TMEM220: variants seen among roughly 807,000 people sequenced by gnomAD.
TMEM220 encodes the protein transmembrane protein 220.
In TMEM220, 21 loss-of-function variants were observed where a neutral mutation model predicts 21.7. That is an observed-to-expected ratio of 0.97 (90% CI 0.69 to 1.39). TMEM220 has a LOEUF of 1.39. Ranked by LOEUF, TMEM220 falls within the 40% of genes most tolerant of loss-of-function variation. The probability of loss-of-function intolerance (pLI) is 0.00; values close to 1 mark genes in which losing one functional copy is unlikely to be tolerated. For synonymous variants in TMEM220, 80 were observed against 73.6 expected (o/e 1.09, Z -0.45); for missense variants, 191 against 201.9 (o/e 0.95, Z 0.33).
At position 10,715,491 on chromosome 17, in the gene TMEM220, G is replaced by C. The variant is rs553428298; in HGVS notation, c.445C>G (p.Arg149Gly). The C allele has an allele frequency of 3.7e-6, 6 of 1,600,038 alleles. No homozygotes were observed. In the South Asian group the frequency reaches 6.9e-5, roughly 18 times the overall value. Residue 149 changes from arginine to glycine, a missense_variant, in exon 6 of 6, where the codon CGG (arginine) becomes GGG (glycine). Physicochemically the swap from Arg to Gly is moderately radical, Grantham distance 125. Transcript: ENST00000341871. ...TTGCAGTGAGTTGGCCAAGAGGACC[G>C]CATTTCCTTGTTAATATATATGTAG... ...WVYIYINKEM[R>G]SSWPTHCKTV...
At position 10,729,859 on chromosome 17, in the gene TMEM220, A is replaced by G; in HGVS notation, c.-8T>C. 2 of 1,335,322 alleles carry G rather than the reference A, an allele frequency of 1.5e-6. No homozygotes were observed. Among genetic ancestry groups the G allele is most frequent in the East Asian group, 3.1e-5 (1 of 32,478 alleles). The allele number at this position is 1,335,322 out of a possible 1,614,324, so 82.7% of individuals were successfully genotyped here. On this transcript the variant is annotated 5_prime_UTR_variant, in exon 1 of 6. Coordinates refer to ENST00000341871, the MANE Select transcript of TMEM220 (RefSeq NM_001004313.3). Reference sequence around the variant, plus strand: ...CCACAGCGCTGGCGCCATGGCTCGGAGAACACGGCGCGGGGCGGTGAGTCC... The same window carrying G: ...CCACAGCGCTGGCGCCATGGCTCGGGGAACACGGCGCGGGGCGGTGAGTCC...
At chr17:10,717,649 T>G (rs1023782483) in intron 5 of TMEM220, among the ~76,000 whole-genome samples, 30 of 152,336 alleles carry the variant, frequency 2.0e-4, no homozygotes, top group Non-Finnish European at 7.3e-5. Context: ...TGTCAAGTTT[T>G]GGTTACCTGT....
At chr17:10,711,336 C>T, downstream of TMEM220, 1 of 588,662 alleles carries the variant, frequency 1.7e-6, no homozygotes, top group South Asian at 2.1e-5. Context: ...AAGTTAGAAA[C>T]AAACCAGGGA....
downstream of TMEM220, among the ~76,000 whole-genome samples, chr17:10,712,678 T>C (rs1252829972): frequency 6.6e-6 from 1 of 152,084 alleles, no homozygotes; most frequent in Non-Finnish European, 1.5e-5. Context: ...GAAGAGTATA[T>C]CAAGTAAAAT....
intron 5 of TMEM220, among the ~76,000 whole-genome samples, chr17:10,720,517 A>G (rs886407959): frequency 6.6e-6 from 1 of 152,342 alleles, no homozygotes; most frequent in South Asian, 2.1e-4. Context: ...AGGATAAACT[A>G]TAAAACTGAA....
chr17:10,717,841 C>A (rs1052064831), intron 5 of TMEM220, among the ~76,000 whole-genome samples: 1 of 150,322 alleles, frequency 6.7e-6, no homozygotes, highest in African/African-American at 2.5e-5. Context: ...TTCTTTGAGA[C>A]GGAGTTTCTT....
intron 2 of TMEM220, among the ~76,000 whole-genome samples, chr17:10,726,609 T>C (rs769762655): frequency 7.9e-5 from 12 of 152,214 alleles, no homozygotes; most frequent in Admixed American, 3.9e-4. Context: ...CCCACTTGCA[T>C]AAAAGAAAAT....
At chr17:10,712,112 A>G (rs953230513), downstream of TMEM220, among the ~76,000 whole-genome samples, 4 of 152,184 alleles carry the variant, frequency 2.6e-5, no homozygotes, top group African/African-American at 9.7e-5. Context: ...GCTGAAACCA[A>G]GGTGTTGGCA....
At chr17:10,716,607 C>A in intron 5 of TMEM220, 1 of 433,024 alleles carries the variant, frequency 2.3e-6, no homozygotes, top group Non-Finnish European at 4.5e-6. Flanking sequence ...TATAATAGAC[C>A]TGTGATCCCC....
intron 5 of TMEM220, among the ~76,000 whole-genome samples, chr17:10,719,240 T>C (rs1182256551): frequency 6.6e-6 from 1 of 152,180 alleles, no homozygotes; most frequent in Non-Finnish European, 1.5e-5. Flanking sequence ...CTTCATAACA[T>C]TACACCAGGA....
chr17:10,729,804 G>A lies in TMEM220; in HGVS notation c.48C>T (p.Phe16=), dbSNP rs1316712052. Residue 16 remains phenylalanine (F), a synonymous_variant, in exon 1 of 6, where the codon TTC becomes TTT. Coordinates refer to ENST00000341871, the MANE Select transcript of TMEM220 (RefSeq NM_001004313.3). ...CCTGCACCAAGGCCGCCAGCGCGAA[G>A]AAGGCGGCCATGAGTCCGTTGCAGG... The part of the protein sequence containing the change: ...WRACNGLMAA[F]FALAALVQVN... 1.4e-6 allele frequency: 2 copies of A among 1,413,288 alleles called. No individual in the cohort carries two copies. Among genetic ancestry groups the A allele is most frequent in the South Asian group, 1.4e-5 (1 of 69,014 alleles). The allele number at this position is 1,413,288 out of a possible 1,614,324, so 87.5% of individuals were successfully genotyped here.
At chr17:10,723,403 A>G (rs932686104) in intron 4 of TMEM220, 74 bp from the exon 5 acceptor site, 10 of 1,078,282 alleles carry the variant, frequency 9.3e-6, no homozygotes, top group African/African-American at 1.5e-5. Context: ...TCTCTCCATG[A>G]CCACCTGATA....
At chr17:10,727,463 A>G (rs1359303515) in intron 2 of TMEM220, among the ~76,000 whole-genome samples, 2 of 152,182 alleles carry the variant, frequency 1.3e-5, no homozygotes, top group Non-Finnish European at 2.9e-5. Flanking sequence ...TTGGAGGGAA[A>G]GATGCTAGGT....
intron 5 of TMEM220, chr17:10,716,056 C>G (rs1023880264): frequency 8.1e-5 from 54 of 667,996 alleles, no homozygotes; most frequent in Middle Eastern, 8.6e-4. Context: ...CCCCCATGTC[C>G]ACATCAATAT....
At position 10,713,724 on chromosome 17, in the gene TMEM220, T is replaced by A. The variant is rs145696796; in HGVS notation, c.*1729A>T. ...ATATCAACTAGATTTGTTTTCCCCC[T>A]TTTTACTCATTCAAGTCTTAATCTT... On this transcript the variant is annotated 3_prime_UTR_variant, in exon 6 of 6. Coordinates refer to ENST00000341871, the MANE Select transcript of TMEM220 (RefSeq NM_001004313.3). 2 of 152,324 alleles carry A rather than the reference T, an allele frequency of 1.3e-5. No individual in the cohort carries two copies. The highest frequency in any genetic ancestry group is 2.1e-4 in the South Asian group (1 of 4,828). 9.4% of individuals were successfully genotyped at this position (152,324 alleles called of 1,614,324 possible).
chr17:10,727,663 T>C (rs540790840), intron 2 of TMEM220, among the ~76,000 whole-genome samples: 87 of 152,276 alleles, frequency 5.7e-4, no homozygotes, highest in Admixed American at 1.3e-3. Context: ...CTGATCTGGA[T>C]AGTAAATATC....
Position 10,729,948 on chromosome 17 carries a change from C to G in TMEM220, c.-97G>C. ...CGCCTTCCTCCTTGCGCGGAGGGAC[C>G]GAGACCCCCGCCTCGGTTTCGGTGC... On this transcript the variant is annotated 5_prime_UTR_variant, in exon 1 of 6. Transcript: ENST00000341871. The G allele has an allele frequency of 8.1e-7, 1 of 1,233,338 alleles. No individual in the cohort carries two copies. The highest frequency in any genetic ancestry group is 1.0e-6 in the Non-Finnish European group (1 of 987,818). The allele number at this position is 1,233,338 out of a possible 1,614,324, so 76.4% of individuals were successfully genotyped here. A position where few individuals can be genotyped will look rare whatever the true frequency, so the allele number is the denominator to read the frequency against.
chr17:10,718,113 C>CAT (rs1567585021), intron 5 of TMEM220, among the ~76,000 whole-genome samples: 2 of 152,112 alleles, frequency 1.3e-5, no homozygotes, highest in African/African-American at 2.4e-5. Context: ...TGAGCCACGG[C>CAT]GCCCGGCCCT....
intron 3 of TMEM220, 49 bp from the exon 4 acceptor site, chr17:10,725,183 G>GAA: frequency 6.1e-6 from 9 of 1,468,404 alleles, no homozygotes; most frequent in East Asian, 5.0e-5. Context: ...ACAGCCCACA[G>GAA]AAAAAAAAAA....
Sources: gnomAD v4.1 joint callset for allele counts (sites outside exome capture counted in the v4.1 genomes callset) on GRCh38, gnomAD v4.1.1 for gene constraint, MANE v1.5 for transcripts, NCBI Gene and HGNC (gene_info 2026-07-23, HGNC 2026-07-21) for gene names.